The following TRPC5 variants were observed in gnomAD, a reference collection of about 807,000 sequenced individuals.
TRPC5 encodes the protein transient receptor potential cation channel subfamily C member 5.
TRPC5 carries 9 observed loss-of-function variants against 56.5 expected under a neutral mutation model. The observed-to-expected ratio is 0.16, with a 90% CI of 0.10 to 0.28. The LOEUF (loss-of-function observed/expected upper bound fraction) is 0.28, where lower values mean the gene tolerates loss of function less well. Ranked by LOEUF, TRPC5 falls within the 10% of genes least tolerant of loss-of-function variation. The pLI is 1.00. For synonymous variants in TRPC5, 282 were observed against 278.5 expected, an observed-to-expected ratio of 1.01 and a Z score of -0.13; for missense variants, 469 against 748.9, an observed-to-expected ratio of 0.63 and a Z score of 4.36.
intron 2 of TRPC5, among the ~76,000 whole-genome samples, chrX:111,927,810 G>A (rs1926299936): frequency 1.0e-5 from 1 of 96,555 alleles, no homozygotes; most frequent in African/African-American, 4.9e-5. Flanking sequence ...TTAATGATGG[G>A]AAACTTTTTT....
chrX:112,023,304 C>G (rs960103580), intron 1 of TRPC5, among the ~76,000 whole-genome samples: 2 of 33,998 alleles, frequency 5.9e-5, no homozygotes, highest in Non-Finnish European at 1.1e-4. Context: ...CTTTAAAATT[C>G]TTTTCTGTCT....
intron 2 of TRPC5, among the ~76,000 whole-genome samples, chrX:111,924,468 T>TAA (rs1387462193): frequency 6.9e-5 from 7 of 101,395 alleles, no homozygotes; most frequent in African/African-American, 2.5e-4. Context: ...GAGAGGCCTT[T>TAA]AAAAAAAAAA....
intron 3 of TRPC5, among the ~76,000 whole-genome samples, chrX:111,882,502 C>T (rs1274093987): frequency 8.9e-6 from 1 of 112,696 alleles, no homozygotes; most frequent in Non-Finnish European, 1.9e-5. Context: ...TGCAATTTAG[C>T]CAAGGTCTGA....
At chrX:111,787,665 G>T (rs1945979127) in intron 7 of TRPC5, among the ~76,000 whole-genome samples, 1 of 109,536 alleles carries the variant, frequency 9.1e-6, no homozygotes, top group Non-Finnish European at 1.9e-5. Flanking sequence ...TAGACCACTA[G>T]CAAGACTAAT....
intron 1 of TRPC5, among the ~76,000 whole-genome samples, chrX:112,077,547 T>G (rs1174358379): frequency 3.6e-5 from 4 of 111,500 alleles, no homozygotes; most frequent in African/African-American, 1.3e-4. Context: ...ATTCTACATT[T>G]ATAGATAGCT....
intron 7 of TRPC5, among the ~76,000 whole-genome samples, chrX:111,798,529 A>C (rs1264242497): frequency 8.9e-6 from 1 of 112,176 alleles, no homozygotes; most frequent in Non-Finnish European, 1.9e-5. Context: ...ACTCCCAAGA[A>C]ACAGAAATGT....
chrX:112,049,522 T>A (rs185725179), intron 1 of TRPC5, among the ~76,000 whole-genome samples: 1 of 103,956 alleles, frequency 9.6e-6, no homozygotes, highest in Non-Finnish European at 1.9e-5. Context: ...AAATATATAT[T>A]TATATATTTA....
intron 1 of TRPC5, among the ~76,000 whole-genome samples, chrX:112,020,942 T>C (rs775434221): frequency 9.2e-6 from 1 of 108,390 alleles, no homozygotes; most frequent in Non-Finnish European, 1.9e-5. Flanking sequence ...TCTGGGGATA[T>C]TTATCTAGTT....
intron 10 of TRPC5, among the ~76,000 whole-genome samples, chrX:111,777,223 C>G (rs991450521): frequency 3.6e-5 from 4 of 111,431 alleles, no homozygotes; most frequent in African/African-American, 9.8e-5. Flanking sequence ...AAAGTTGATT[C>G]AGGATTAGCT....
intron 7 of TRPC5, among the ~76,000 whole-genome samples, chrX:111,786,372 T>G (rs1945965005): frequency 9.0e-6 from 1 of 110,977 alleles, no homozygotes; most frequent in African/African-American, 3.3e-5. Flanking sequence ...TGCTGAGAGA[T>G]TTTGTCACCA....
intron 5 of TRPC5, among the ~76,000 whole-genome samples, chrX:111,847,872 C>G (rs1236272132): frequency 2.7e-5 from 3 of 110,813 alleles, no homozygotes; most frequent in Non-Finnish European, 3.8e-5. Flanking sequence ...TCACTGGGCT[C>G]TGAGCACCAT....
intron 1 of TRPC5, among the ~76,000 whole-genome samples, chrX:112,069,146 C>A (rs1245483453): frequency 8.9e-6 from 1 of 111,937 alleles, no homozygotes; most frequent in Non-Finnish European, 1.9e-5. Flanking sequence ...CTCCCAACAA[C>A]TCTATTAGGA....
At chrX:111,832,229 G>A (rs1922429211) in intron 7 of TRPC5, among the ~76,000 whole-genome samples, 1 of 111,676 alleles carries the variant, frequency 9.0e-6, no homozygotes, top group African/African-American at 3.3e-5. Context: ...TTGCTACAGA[G>A]CCATATATTC....
chrX:111,826,973 G>A (rs1922256868), intron 7 of TRPC5, among the ~76,000 whole-genome samples: 1 of 111,765 alleles, frequency 8.9e-6, no homozygotes, highest in African/African-American at 3.3e-5. Flanking sequence ...TGTAGTGAAA[G>A]TGCATATCAG....
intron 1 of TRPC5, among the ~76,000 whole-genome samples, chrX:112,027,582 C>T (rs1602399268): frequency 9.0e-6 from 1 of 111,203 alleles, no homozygotes. Context: ...CTGCAAGCTC[C>T]GCCTCCCGGG....
intron 1 of TRPC5, among the ~76,000 whole-genome samples, chrX:112,067,662 C>T (rs1930617135): frequency 8.9e-6 from 1 of 111,918 alleles, no homozygotes; most frequent in African/African-American, 3.3e-5. Flanking sequence ...CTCCACTGCT[C>T]TCAGATCAGA....
chrX:112,006,273 C>A (rs1266276243), intron 1 of TRPC5, among the ~76,000 whole-genome samples: 1 of 111,459 alleles, frequency 9.0e-6, no homozygotes, highest in Non-Finnish European at 1.9e-5. Context: ...AGCAATATGG[C>A]CAATTAGATA....
intron 1 of TRPC5, among the ~76,000 whole-genome samples, chrX:112,027,934 G>A (rs1194319837): frequency 8.9e-6 from 1 of 112,077 alleles, no homozygotes; most frequent in African/African-American, 3.2e-5. Context: ...AATCACAGAG[G>A]CTTACTTTCA....
At chrX:111,951,360 G>A (rs968382891) in intron 2 of TRPC5, among the ~76,000 whole-genome samples, 11 of 111,920 alleles carry the variant, frequency 9.8e-5, no homozygotes, top group Non-Finnish European at 1.9e-4. Flanking sequence ...GGTGAAAGAC[G>A]AACTAGAGAG....
Sources: allele counts gnomAD v4.1 joint callset (sites outside exome capture counted in the v4.1 genomes callset), GRCh38; gene constraint gnomAD v4.1.1; transcripts MANE v1.5; gene names NCBI Gene and HGNC (gene_info 2026-07-23, HGNC 2026-07-21).